OSBPL10: variants seen among roughly 807,000 people sequenced by gnomAD.
OSBPL10 encodes the protein oxysterol binding protein like 10.
In OSBPL10, 49 loss-of-function variants were observed where a neutral mutation model predicts 81.7. The ratio of observed to expected loss-of-function variants is 0.60; its 90% CI spans 0.48 to 0.76. OSBPL10 has a LOEUF of 0.76. Ranked by LOEUF, OSBPL10 falls within the 30% of genes least tolerant of loss-of-function variation. OSBPL10 has a pLI of 0.00. For synonymous variants in OSBPL10, 419 were observed against 383.6 expected (o/e 1.09, Z -1.08); for missense variants, 923 against 987.8 (o/e 0.93, Z 0.88).
chr3:31,832,848 C>A (rs1184793770), intron 3 of OSBPL10, among the ~76,000 whole-genome samples: 3 of 152,188 alleles, frequency 2.0e-5, no homozygotes, highest in African/African-American at 7.2e-5. Context: ...GTAGTCTTAG[C>A]CTCAGGCCTC....
chr3:31,703,854 A>C (rs1695975327), intron 6 of OSBPL10: 1 of 152,204 alleles, frequency 6.6e-6, no homozygotes. Context: ...TTATGTGCCC[A>C]GTTCTCTAGC....
rs188759875 is a variant in OSBPL10, at chr3:31,742,254, C to A, written c.940+5656G>T. On this transcript the variant is annotated intron_variant, in intron 5 of 11. Transcript: ENST00000396556. ...AGGTCTCCGGAAAAACGTAAAGTAC[C>A]GCAAAAGGAAGAAGGCAAACAGCCA... Among the ~76,000 whole-genome samples the A allele has an allele frequency of 2.0e-5, 3 of 152,174 alleles. No homozygotes were observed. The East Asian group carries it at 5.8e-4, about 29-fold the overall frequency.
intron 7 of OSBPL10, among the ~76,000 whole-genome samples, chr3:31,696,330 C>A (rs572941560): frequency 6.6e-6 from 1 of 152,194 alleles, no homozygotes; most frequent in African/African-American, 2.4e-5. Context: ...CTTAAGAAAC[C>A]AAATCTCCCT....
Position 31,905,345 on chromosome 3 carries a change from A to ATTTTTTTTTTTTTTTTTTTTTTTTT in OSBPL10, c.282-25516_282-25515insAAAAAAAAAAAAAAAAAAAAAAAAA, listed in dbSNP as rs386396290. On this transcript the variant is annotated intron_variant, in intron 1 of 11. Coordinates refer to ENST00000396556, the MANE Select transcript of OSBPL10 (RefSeq NM_017784.5). ...GAGCTCTATGTCAAGGAACCTGGTG[A>ATTTTTTTTTTTTTTTTTTTTTTTTT]TTTTTTTTTTTTTTTTTTTTTTTAG... Among the ~76,000 whole-genome samples, 25 of 94,814 alleles carry ATTTTTTTTTTTTTTTTTTTTTTTTT rather than the reference A, an allele frequency of 2.6e-4. 2 individuals carry two copies. The highest frequency in any genetic ancestry group is 1.9e-3 in the East Asian group (5 of 2,586). The allele number at this position is 94,814 out of a possible 152,430, so 62.2% of individuals were successfully genotyped here.
chr3:31,820,653 T>C (rs112701057), intron 4 of OSBPL10, among the ~76,000 whole-genome samples: 424 of 152,008 alleles, frequency 2.8e-3, no homozygotes, highest in African/African-American at 9.4e-3. Flanking sequence ...TAGATAGGTA[T>C]AAAGTACACC....
intron 8 of OSBPL10, 40 bp downstream of exon 8, chr3:31,683,594 A>T: frequency 6.3e-7 from 1 of 1,583,422 alleles, no homozygotes; most frequent in South Asian, 1.1e-5. Flanking sequence ...TAGAAACGTC[A>T]CTGTGTAAGA....
intron 6 of OSBPL10, chr3:31,704,482 T>C (rs1695997698): frequency 6.6e-6 from 1 of 152,194 alleles, no homozygotes. Context: ...AAAAGGACAA[T>C]CAAAACCAAG....
rs201299844 is a variant in OSBPL10 at position 31,684,130 on chromosome 3, C to T, written c.1246-16G>A. On this transcript the variant is annotated splice_polypyrimidine_tract_variant and intron_variant, in intron 7 of 11. Transcript: ENST00000396556. Reference sequence around the variant, plus strand: ...GAAGCACCACCTGCATTTGGAAGGACACAAAGTCAGACAATCCCTGGGATT... The same window carrying T: ...GAAGCACCACCTGCATTTGGAAGGATACAAAGTCAGACAATCCCTGGGATT... The T allele has an allele frequency of 9.6e-5, 155 of 1,609,072 alleles. No homozygotes were observed. Among genetic ancestry groups the T allele is most frequent in the Admixed American group, 1.7e-5 (1 of 59,882 alleles).
intron 8 of OSBPL10, among the ~76,000 whole-genome samples, chr3:31,681,530 G>A (rs1194427672): frequency 2.6e-5 from 4 of 152,124 alleles, no homozygotes; most frequent in Admixed American, 6.5e-5. Flanking sequence ...CTGCTGTCAA[G>A]GTGACGAATG....
At chr3:31,966,151 T>C (rs1698393942) in intron 1 of OSBPL10, among the ~76,000 whole-genome samples, 1 of 104,462 alleles carries the variant, frequency 9.6e-6, no homozygotes, top group African/African-American at 5.0e-5. Flanking sequence ...AACAACAAAA[T>C]TATGTGTGTG....
chr3:31,983,224 T>C (rs953548274), upstream of OSBPL10, among the ~76,000 whole-genome samples: 1 of 152,222 alleles, frequency 6.6e-6, no homozygotes, highest in African/African-American at 2.4e-5. Flanking sequence ...TGCATTGACA[T>C]ACAGACTGAA....
At chr3:31,965,082 A>G (rs187854174) in intron 1 of OSBPL10, among the ~76,000 whole-genome samples, 1 of 152,216 alleles carries the variant, frequency 6.6e-6, no homozygotes, top group East Asian at 1.9e-4. Context: ...TCAATGTCAT[A>G]AAACAACCCT....
intron 2 of OSBPL10, among the ~76,000 whole-genome samples, chr3:32,030,887 C>T (rs1442694343): frequency 6.6e-5 from 10 of 152,042 alleles, no homozygotes; most frequent in South Asian, 6.2e-4. Context: ...TTGAGGAGGC[C>T]GGGCGCGGTG....
At chr3:31,796,223 A>T in intron 4 of OSBPL10, 1 of 200,958 alleles carries the variant, frequency 5.0e-6, no homozygotes, top group South Asian at 1.2e-4. Context: ...GTCTCATTTG[A>T]CACAGGAGAG....
rs566620913 is a variant in OSBPL10 at position 31,754,460 on chromosome 3, A to G, written c.730-6340T>C. Among the ~76,000 whole-genome samples the G allele has an allele frequency of 3.3e-5, 5 of 152,318 alleles. No homozygotes were observed. The East Asian group carries it at 7.7e-4, about 23-fold the overall frequency. ...TGCTGGCTAAACAGATGACAATGTT[A>G]CAAAGAAAAAGAAGAAAGGAAAAGA... On this transcript the variant is annotated intron_variant, in intron 4 of 11. Coordinates refer to ENST00000396556, the MANE Select transcript of OSBPL10 (RefSeq NM_017784.5).
chr3:31,755,479 T>C (rs1278704581), intron 4 of OSBPL10, among the ~76,000 whole-genome samples: 3 of 152,220 alleles, frequency 2.0e-5, no homozygotes, highest in East Asian at 3.8e-4. Context: ...TTTCTAGATA[T>C]TTACCTGCTT....
chr3:31,791,217 TGTC>T (rs1698999039), intron 4 of OSBPL10, among the ~76,000 whole-genome samples: 2 of 152,256 alleles, frequency 1.3e-5, no homozygotes, highest in African/African-American at 4.8e-5. Flanking sequence ...TGAAAAATCT[TGTC>T]GTTTAAAAAC....
rs1307106913 is a variant in OSBPL10, at chr3:32,071,417, A to C, written n.185+5979T>G. On this transcript the variant is annotated intron_variant and non_coding_transcript_variant, in intron 1 of 3. Coordinates refer to the OSBPL10 transcript ENST00000479173. ...ACTCCTGTTTCCATTCCTTGAAAACAGCTTTACAGACTGCTCCCACACTAG... is the reference window on the plus strand; with the variant it reads ...ACTCCTGTTTCCATTCCTTGAAAACCGCTTTACAGACTGCTCCCACACTAG... Among the ~76,000 whole-genome samples, 3 of 152,306 alleles carry C rather than the reference A, an allele frequency of 2.0e-5. No homozygotes were observed. The East Asian group carries it at 5.8e-4, about 29-fold the overall frequency.
At chr3:31,991,584 G>T in intron 2 of OSBPL10, 1 of 166,290 alleles carries the variant, frequency 6.0e-6, no homozygotes. Context: ...ACTAATTTTT[G>T]GTACTGATAT....
Sources: gnomAD v4.1 joint callset for allele counts (sites outside exome capture counted in the v4.1 genomes callset) on GRCh38, gnomAD v4.1.1 for gene constraint, MANE v1.5 for transcripts, NCBI Gene and HGNC (gene_info 2026-07-23, HGNC 2026-07-21) for gene names.